The following SUSD1 variants were observed in gnomAD, a reference collection of about 807,000 sequenced individuals.
SUSD1 encodes sushi domain containing 1.
In SUSD1, 65 loss-of-function variants were observed where a neutral mutation model predicts 86.9. The observed-to-expected ratio is 0.75, with a 90% CI of 0.61 to 0.92. The LOEUF (loss-of-function observed/expected upper bound fraction) is 0.92. Among genes scored for constraint, SUSD1 ranks in the 40% least tolerant of loss-of-function variants. SUSD1 has a pLI of 0.00. For synonymous variants in SUSD1, 346 were observed against 350.0 expected, an observed-to-expected ratio of 0.99 and a Z score of 0.13; for missense variants, 850 against 929.7, an observed-to-expected ratio of 0.91 and a Z score of 1.11.
chr9:112,075,661 C>T, intron 12 of SUSD1, among the ~76,000 whole-genome samples: 1 of 152,220 alleles, frequency 6.6e-6, no homozygotes. Flanking sequence ...AGAAGGATTG[C>T]TACAGCCCAG....
intron 8 of SUSD1, 108 bp downstream of exon 8, chr9:112,111,546 C>A: frequency 7.1e-7 from 1 of 1,414,128 alleles, no homozygotes; most frequent in Non-Finnish European, 9.6e-7. Context: ...GAGTATAAAT[C>A]TCAGACAGCA....
intron 6 of SUSD1, among the ~76,000 whole-genome samples, chr9:112,124,003 G>A (rs1831660062): frequency 6.6e-6 from 1 of 151,934 alleles, no homozygotes; most frequent in Admixed American, 6.6e-5. Context: ...CAAGCAGAGG[G>A]GACAGGAATC....
chr9:112,162,894 A>G (rs1015721896), intron 1 of SUSD1, among the ~76,000 whole-genome samples: 10 of 152,300 alleles, frequency 6.6e-5, no homozygotes, highest in African/African-American at 2.2e-4. Flanking sequence ...GGAAAATGTA[A>G]TTCTGCTACA....
chr9:112,141,488 C>T (rs989911383), intron 5 of SUSD1, among the ~76,000 whole-genome samples: 1 of 151,820 alleles, frequency 6.6e-6, no homozygotes, highest in Non-Finnish European at 1.5e-5. Context: ...ACTAGCCTGG[C>T]CAACACGGTG....
intron 1 of SUSD1, among the ~76,000 whole-genome samples, chr9:112,165,711 A>G (rs1462403086): frequency 2.0e-5 from 3 of 151,894 alleles, no homozygotes; most frequent in Middle Eastern, 3.4e-3. Context: ...CACCTGGCAT[A>G]CACTTCATTC....
rs115095315 is a variant in SUSD1, at chr9:112,168,267, A to G, written c.103+6866T>C. On this transcript the variant is annotated intron_variant, in intron 1 of 16. Transcript: ENST00000374270. The stretch of plus-strand genomic sequence containing the variant: ...TACTCCAATGGGAAGAGTGACAGAG[A>G]AATGCACTGATGCAAAAATCAAGAG... 3.8e-3 allele frequency among the ~76,000 whole-genome samples: 579 copies of G among 152,358 alleles called. 4 individuals carry two copies. The highest frequency in any genetic ancestry group is 0.013 in the African/African-American group (561 of 41,584).
intron 15 of SUSD1, among the ~76,000 whole-genome samples, chr9:112,048,970 T>C (rs1828074148): frequency 6.6e-6 from 1 of 152,190 alleles, no homozygotes; most frequent in Non-Finnish European, 1.5e-5. Context: ...ATAGAGGACT[T>C]GGAAGCCAAA....
intron 14 of SUSD1, among the ~76,000 whole-genome samples, chr9:112,055,150 G>T (rs1349023854): frequency 6.6e-6 from 1 of 152,216 alleles, no homozygotes; most frequent in Non-Finnish European, 1.5e-5. Context: ...CTCATGCTGG[G>T]AGTGGTGGCT....
At position 112,175,093 on chromosome 9, in the gene SUSD1, G is replaced by A; in HGVS notation, c.103+40C>T. On this transcript the variant is annotated intron_variant, in intron 1 of 16. Coordinates refer to ENST00000374270, the MANE Select transcript of SUSD1 (RefSeq NM_022486.5). The surrounding 1 kb of genome is among the most constrained non-coding windows in gnomAD (Gnocchi z 4.7). ...CAGAGTCCTCGAGGCCCAGCCGGGG[G>A]CCCCGCCGGCCGCCCGTGCCCGTCC... The A allele has an allele frequency of 2.0e-6, 2 of 1,004,428 alleles. No homozygotes were observed. The highest frequency in any genetic ancestry group is 6.0e-5 in the Admixed American group (1 of 16,800). 62.2% of individuals were successfully genotyped at this position (1,004,428 alleles called of 1,614,324 possible). A position where few individuals can be genotyped will look rare whatever the true frequency, so the allele number is the denominator to read the frequency against.
At chr9:112,093,410 T>C (rs1201244950) in intron 10 of SUSD1, among the ~76,000 whole-genome samples, 2 of 152,206 alleles carry the variant, frequency 1.3e-5, no homozygotes, top group Non-Finnish European at 2.9e-5. Context: ...ACCCAGTGTC[T>C]GTCACCGCCC....
rs35275299 is a variant in SUSD1, at chr9:112,130,848, CA to C, written c.707-6413del. ...AAGAGCAGCCTGGGCAACATCTCTA[CA>C]AAAAAAAAAAAAAAATACAATAACT... On this transcript the variant is annotated intron_variant, in intron 5 of 16. Transcript: ENST00000374270. Among the ~76,000 whole-genome samples, 718 of 117,952 alleles carry C rather than the reference CA, an allele frequency of 6.1e-3. 4 individuals are homozygous for C. The highest frequency in any genetic ancestry group is 9.8e-3 in the African/African-American group (322 of 32,910). 77.4% of individuals were successfully genotyped at this position (117,952 alleles called of 152,430 possible).
chr9:112,059,956 G>A (rs1187697522), intron 13 of SUSD1, among the ~76,000 whole-genome samples: 1 of 87,312 alleles, frequency 1.1e-5, no homozygotes, highest in East Asian at 3.3e-4. Context: ...GCCCTGCCCC[G>A]CCCCTCCGCC....
At chr9:112,126,299 G>A (rs974998390) in intron 5 of SUSD1, among the ~76,000 whole-genome samples, 11 of 152,306 alleles carry the variant, frequency 7.2e-5, no homozygotes, top group Non-Finnish European at 1.5e-4. Context: ...AGAAGTCTGG[G>A]AGGGAACCCA....
At chr9:112,138,481 C>A (rs1472500673) in intron 5 of SUSD1, among the ~76,000 whole-genome samples, 1 of 144,174 alleles carries the variant, frequency 6.9e-6, no homozygotes, top group Non-Finnish European at 1.5e-5. Flanking sequence ...TTTTTTGAGA[C>A]GGAGTCTTGC....
At chr9:112,173,744 G>A (rs897753036) in intron 1 of SUSD1, 2 of 375,016 alleles carry the variant, frequency 5.3e-6, no homozygotes, top group Non-Finnish European at 1.0e-5. Flanking sequence ...ACCTCCTTGG[G>A]GTTTATGAGG....
intron 1 of SUSD1, among the ~76,000 whole-genome samples, chr9:112,160,088 A>T (rs1371868227): frequency 6.6e-6 from 1 of 152,174 alleles, no homozygotes; most frequent in Non-Finnish European, 1.5e-5. Context: ...AAAGGAAAAA[A>T]GAAAATGGGG....
At chr9:112,071,564 A>G (rs1401482932) in intron 12 of SUSD1, among the ~76,000 whole-genome samples, 1 of 152,218 alleles carries the variant, frequency 6.6e-6, no homozygotes, top group Non-Finnish European at 1.5e-5. Flanking sequence ...TATTAAATCA[A>G]CCAAAGAAAA....
intron 11 of SUSD1, among the ~76,000 whole-genome samples, chr9:112,079,751 C>T (rs377164438): frequency 1.3e-5 from 2 of 152,120 alleles, no homozygotes; most frequent in African/African-American, 4.8e-5. Flanking sequence ...TACAGCTATG[C>T]GCCACTACGC....
chr9:112,045,707 T>C (rs928683496), intron 15 of SUSD1, among the ~76,000 whole-genome samples: 4 of 152,240 alleles, frequency 2.6e-5, no homozygotes, highest in Non-Finnish European at 4.4e-5. Flanking sequence ...TGGTGGTTCT[T>C]CCTTTGTACA....
Sources: gnomAD v4.1 joint callset for allele counts (sites outside exome capture counted in the v4.1 genomes callset) on GRCh38, gnomAD v4.1.1 for gene constraint, Gnocchi (gnomAD v3.1) non-coding constraint, MANE v1.5 for transcripts, NCBI Gene and HGNC (gene_info 2026-07-23, HGNC 2026-07-21) for gene names.